Variants in CDIN1 observed in about 807,000 individuals in gnomAD.
CDIN1 encodes CDAN1 interacting nuclease 1.
A neutral mutation model predicts 45.3 loss-of-function variants in CDIN1; 33 were observed. That is an observed-to-expected ratio of 0.73 (90% CI 0.55 to 0.97). The LOEUF is 0.97. CDIN1 is among the 50% of genes least tolerant of loss of function. CDIN1 has a pLI of 0.00. For missense variants in CDIN1, 303 were observed against 339.4 expected (o/e 0.89, Z 0.84); for synonymous variants, 118 against 124.4 (o/e 0.95, Z 0.34).
At chr15:36,771,863 G>A (rs1783016611) in intron 10 of CDIN1, among the ~76,000 whole-genome samples, 2 of 151,698 alleles carry the variant, frequency 1.3e-5, no homozygotes, top group African/African-American at 4.8e-5. Context: ...GGGAGGCGGA[G>A]GTTGCAGTGA....
chr15:36,581,613 C>T (rs1451727826), intron 1 of CDIN1, among the ~76,000 whole-genome samples: 1 of 152,014 alleles, frequency 6.6e-6, no homozygotes, highest in African/African-American at 2.4e-5. Flanking sequence ...TGTGGTGGCT[C>T]ACGCCTGTAA....
At chr15:36,585,987 C>A (rs1472090456) in intron 1 of CDIN1, among the ~76,000 whole-genome samples, 2 of 152,140 alleles carry the variant, frequency 1.3e-5, no homozygotes, top group African/African-American at 2.4e-5. Flanking sequence ...AACCTGAACT[C>A]TTTTATCATG....
intron 10 of CDIN1, among the ~76,000 whole-genome samples, chr15:36,722,241 T>C (rs1251016373): frequency 3.3e-5 from 5 of 151,928 alleles, no homozygotes; most frequent in Admixed American, 1.3e-4. Context: ...ATTTAACTTA[T>C]AGACTTCATT....
chr15:36,594,040 T>G (rs117891890), intron 1 of CDIN1, among the ~76,000 whole-genome samples: 1 of 152,352 alleles, frequency 6.6e-6, no homozygotes, highest in East Asian at 1.9e-4. Flanking sequence ...CCTTCAAAGT[T>G]TTCTTTTAAT....
At chr15:36,587,282 A>G (rs1345749355) in intron 1 of CDIN1, among the ~76,000 whole-genome samples, 1 of 152,130 alleles carries the variant, frequency 6.6e-6, no homozygotes, top group Non-Finnish European at 1.5e-5. Flanking sequence ...ATTCACTCAT[A>G]TGAGGTGCTT....
intron 1 of CDIN1, among the ~76,000 whole-genome samples, chr15:36,598,853 A>G (rs1479366512): frequency 1.3e-5 from 2 of 151,762 alleles, no homozygotes; most frequent in East Asian, 3.9e-4. Context: ...TGCTTTGGCC[A>G]TGGTAGTTAC....
intron 10 of CDIN1, among the ~76,000 whole-genome samples, chr15:36,801,606 A>G (rs2055050215): frequency 6.6e-6 from 1 of 152,112 alleles, no homozygotes; most frequent in South Asian, 2.1e-4. Context: ...ATTTCCATTT[A>G]TATGAACAAG....
chr15:36,692,584 TA>T (rs1187721817), intron 7 of CDIN1, among the ~76,000 whole-genome samples: 2 of 152,196 alleles, frequency 1.3e-5, no homozygotes, highest in Non-Finnish European at 2.9e-5. Context: ...AGCCTGGAGT[TA>T]AAGGAGGTTG....
intron 10 of CDIN1, among the ~76,000 whole-genome samples, chr15:36,742,554 G>A (rs1415455792): frequency 8.5e-5 from 13 of 152,128 alleles, no homozygotes; most frequent in Admixed American, 6.5e-4. Context: ...TTTATTTTGT[G>A]AACTGCTTTC....
intron 5 of CDIN1, among the ~76,000 whole-genome samples, chr15:36,677,619 T>C (rs2041694275): frequency 6.6e-6 from 1 of 152,164 alleles, no homozygotes; most frequent in African/African-American, 2.4e-5. Context: ...TCTCTTGTCA[T>C]CAGTTGACAA....
Position 36,654,109 on chromosome 15 carries a change from G to T in CDIN1, c.224G>T (p.Gly75Val). ...IESYYQRYLN[G>V]VVKNGAAPVL... ...TTTGTCTTGTCTAGGTACCTGAATG[G>T]AGTGGTGAAAAATGGAGCTGCCCCA... Residue 75 changes from glycine (G) to valine (V), a missense_variant, in exon 4 of 11, where the codon GGA becomes GTA. Coordinates refer to ENST00000566621, the MANE Select transcript of CDIN1 (RefSeq NM_001321759.2). 2 of 1,578,856 alleles carry T rather than the reference G, an allele frequency of 1.3e-6. No individual in the cohort carries two copies. The highest frequency in any genetic ancestry group is 2.3e-5 in the East Asian group (1 of 43,768).
intron 10 of CDIN1, among the ~76,000 whole-genome samples, chr15:36,770,959 ACT>A (rs2054062397): frequency 1.3e-5 from 2 of 152,006 alleles, no homozygotes; most frequent in Non-Finnish European, 2.9e-5. Flanking sequence ...CCTTATTAAA[ACT>A]CTAGGTGATG....
intron 8 of CDIN1, among the ~76,000 whole-genome samples, chr15:36,703,823 C>T (rs893545379): frequency 2.0e-5 from 3 of 152,094 alleles, no homozygotes; most frequent in African/African-American, 7.2e-5. Context: ...GCTGGCCCAG[C>T]AAGAGGTTCT....
chr15:36,785,360 C>T (rs77657229), intron 10 of CDIN1, among the ~76,000 whole-genome samples: 2,924 of 152,214 alleles, frequency 0.019, 99 homozygotes, highest in African/African-American at 0.066. Context: ...CCAAAGAGTC[C>T]GGTAGGCCTC....
chr15:36,623,717 C>T (rs2039302511), intron 1 of CDIN1, among the ~76,000 whole-genome samples: 1 of 152,216 alleles, frequency 6.6e-6, no homozygotes, highest in Non-Finnish European at 1.5e-5. Context: ...GTGGTAAATT[C>T]CACGAACTGT....
intron 1 of CDIN1, 43 bp from the exon 2 acceptor site, chr15:36,644,235 T>C (rs2040221339): frequency 6.3e-7 from 1 of 1,591,392 alleles, no homozygotes. Context: ...TTCTTTGCCG[T>C]GCACTCCAGT....
chr15:36,749,376 C>G (rs1405844049), intron 10 of CDIN1, among the ~76,000 whole-genome samples: 1 of 152,202 alleles, frequency 6.6e-6, no homozygotes, highest in Non-Finnish European at 1.5e-5. Flanking sequence ...AAAATAATGC[C>G]CTGCCCTGGA....
chr15:36,702,284 C>T (rs2042673472), intron 8 of CDIN1, among the ~76,000 whole-genome samples: 1 of 152,268 alleles, frequency 6.6e-6, no homozygotes, highest in African/African-American at 2.4e-5. Flanking sequence ...TCTCCCCTTT[C>T]TGAAGAGATT....
At chr15:36,707,988 AG>A (rs1382852806) in intron 8 of CDIN1, 2 of 126,940 alleles carry the variant, frequency 1.6e-5, no homozygotes, top group Non-Finnish European at 3.8e-5. Context: ...AAATCTAGAC[AG>A]CTTAAGGATA....
Sources: allele counts gnomAD v4.1 joint callset (sites outside exome capture counted in the v4.1 genomes callset), GRCh38; gene constraint gnomAD v4.1.1; transcripts MANE v1.5; gene names NCBI Gene and HGNC (gene_info 2026-07-23, HGNC 2026-07-21).